Variants in ERBB4 observed in about 807,000 individuals in gnomAD.
ERBB4 encodes the protein receptor tyrosine-protein kinase erbB-4.
ERBB4 carries 42 observed loss-of-function variants against 158.0 expected under a neutral mutation model. The observed-to-expected ratio is 0.27, with a 90% CI of 0.21 to 0.34. The LOEUF is 0.34. Among genes scored for constraint, ERBB4 ranks in the 10% least tolerant of loss-of-function variants. ERBB4 has a pLI of 1.00. For synonymous variants in ERBB4, 583 were observed against 558.7 expected (o/e 1.04, Z -0.61); for missense variants, 1,333 against 1,624.1 (o/e 0.82, Z 3.08).
Position 211,630,475 on chromosome 2 carries a change from A to T in ERBB4, c.2066T>A (p.Phe689Tyr), listed in dbSNP as rs1234631208. The T allele has an allele frequency of 1.2e-6, 2 of 1,613,600 alleles. No homozygotes were observed. Among genetic ancestry groups the T allele is most frequent in the East Asian group, 2.2e-5 (1 of 44,856 alleles). ...SIKKKRALRRFLETELVEPLT... is the reference protein window; with the variant it reads ...SIKKKRALRRYLETELVEPLT... ...GAAATACCTCACCTCTGTTTCCAAG[A>T]ATCTTCTCAAGGCTCTTTTCTTTTT... is the stretch of plus-strand genomic sequence containing the variant. The change falls in exon 17 of 28, where the codon TTC becomes TAC. Residue 689 changes from phenylalanine to tyrosine, a missense_variant. Phe to Tyr is a conservative substitution (Grantham distance 22). Transcript: ENST00000342788.
At chr2:211,856,398 T>TCATTTATTTATC (rs2077862319) in intron 3 of ERBB4, among the ~76,000 whole-genome samples, 1 of 145,128 alleles carries the variant, frequency 6.9e-6, no homozygotes, top group Non-Finnish European at 1.5e-5. Flanking sequence ...ATTTATTTAT[T>TCATTTATTTATC]TATCTGAGAT....
At chr2:211,950,055 C>T (rs2080832455) in intron 2 of ERBB4, among the ~76,000 whole-genome samples, 3 of 152,148 alleles carry the variant, frequency 2.0e-5, no homozygotes, top group African/African-American at 7.2e-5. Flanking sequence ...CCACACCCTT[C>T]ACCACTGTAC....
At position 212,391,121 on chromosome 2, in the gene ERBB4, C is replaced by A. The variant is rs570711682; in HGVS notation, c.82+147328G>T. Among the ~76,000 whole-genome samples the A allele has an allele frequency of 4.0e-5, 6 of 151,808 alleles. No individual in the cohort carries two copies. The East Asian group carries it at 9.7e-4, about 24-fold the overall frequency. On this transcript the variant is annotated intron_variant, in intron 1 of 27. Coordinates refer to ENST00000342788, the MANE Select transcript of ERBB4 (RefSeq NM_005235.3). ...ATTTCCATTACTTTAACACAGACAA[C>A]TTCAAATTCATCAAGATCTTATGCC...
intron 20 of ERBB4, among the ~76,000 whole-genome samples, chr2:211,544,056 A>G (rs982612338): frequency 1.3e-5 from 2 of 151,972 alleles, no homozygotes; most frequent in Admixed American, 1.3e-4. Context: ...ATATAATGAT[A>G]ATCCATAGAT....
chr2:212,115,454 G>A (rs1002757719), intron 2 of ERBB4, among the ~76,000 whole-genome samples: 1 of 152,130 alleles, frequency 6.6e-6, no homozygotes, highest in Non-Finnish European at 1.5e-5. Flanking sequence ...ATATTCCAAT[G>A]TTTGGTTTTT....
chr2:211,882,820 G>A (rs1424730833), intron 3 of ERBB4, among the ~76,000 whole-genome samples: 1 of 152,116 alleles, frequency 6.6e-6, no homozygotes, highest in African/African-American at 2.4e-5. Context: ...AGAAGACTTG[G>A]AATCAACATC....
intron 12 of ERBB4, among the ~76,000 whole-genome samples, chr2:211,695,555 T>C (rs2072984956): frequency 1.3e-5 from 2 of 152,152 alleles, no homozygotes; most frequent in South Asian, 4.1e-4. Context: ...ATAAATATAT[T>C]TCAAGGGATT....
At chr2:211,511,602 C>A (rs1190145258) in intron 20 of ERBB4, among the ~76,000 whole-genome samples, 3 of 151,980 alleles carry the variant, frequency 2.0e-5, no homozygotes, top group African/African-American at 7.2e-5. Context: ...AAGCAGTATG[C>A]TTTTCAGATA....
intron 3 of ERBB4, among the ~76,000 whole-genome samples, chr2:211,924,348 T>G (rs2079957503): frequency 6.6e-6 from 1 of 152,176 alleles, no homozygotes. Flanking sequence ...ATTTAGATAT[T>G]AATACTACCT....
intron 3 of ERBB4, among the ~76,000 whole-genome samples, chr2:211,810,483 G>T (rs1381256406): frequency 1.3e-5 from 2 of 152,058 alleles, no homozygotes; most frequent in African/African-American, 4.8e-5. Context: ...TTTGTTTAAA[G>T]TCTGTTTTGT....
chr2:211,725,177 C>A lies in ERBB4; in HGVS notation c.640G>T (p.Ala214Ser). 1 of 1,613,652 alleles carries A rather than the reference C, an allele frequency of 6.2e-7. No individual in the cohort carries two copies. The highest frequency in any genetic ancestry group is 1.3e-5 in the African/African-American group (1 of 75,000). The change falls in exon 6 of 28, where the codon GCA becomes TCA. Residue 214 changes from alanine (A) to serine (S), a missense_variant. Physicochemically the swap from Ala to Ser is moderately conservative, Grantham distance 99. Coordinates refer to ENST00000342788, the MANE Select transcript of ERBB4 (RefSeq NM_005235.3). ...HCQTLTRTVC[A>S]EQCDGRCYGP... Reference sequence around the variant, plus strand: ...TAGCATCTGCCGTCACATTGTTCTGCACACACCGTCCTTGTCACTGCAGAA... The same window carrying A: ...TAGCATCTGCCGTCACATTGTTCTGAACACACCGTCCTTGTCACTGCAGAA...
chr2:211,844,550 T>A (rs1335938200), intron 3 of ERBB4, among the ~76,000 whole-genome samples: 1 of 152,200 alleles, frequency 6.6e-6, no homozygotes, highest in East Asian at 1.9e-4. Flanking sequence ...TCTGAAATTG[T>A]ATGTATAACT....
intron 1 of ERBB4, among the ~76,000 whole-genome samples, chr2:212,214,322 T>G (rs2083029538): frequency 1.3e-5 from 2 of 151,732 alleles, no homozygotes; most frequent in African/African-American, 4.8e-5. Context: ...AAACTGAATT[T>G]TTACTTTTAA....
At chr2:211,899,706 A>G (rs1290458415) in intron 3 of ERBB4, among the ~76,000 whole-genome samples, 1 of 152,166 alleles carries the variant, frequency 6.6e-6, no homozygotes. Flanking sequence ...GTTTGCCCAT[A>G]TAATTCCTTA....
intron 2 of ERBB4, among the ~76,000 whole-genome samples, chr2:212,014,525 T>C (rs1443783902): frequency 2.0e-5 from 3 of 152,222 alleles, no homozygotes; most frequent in African/African-American, 7.2e-5. Context: ...TTGGATACTT[T>C]ATGCTATCAT....
intron 19 of ERBB4, among the ~76,000 whole-genome samples, chr2:211,608,069 G>A (rs537304503): frequency 2.6e-5 from 4 of 151,700 alleles, no homozygotes; most frequent in East Asian, 1.9e-4. Context: ...GGATTTGTGT[G>A]TGTATGTGTG....
intron 5 of ERBB4, among the ~76,000 whole-genome samples, chr2:211,734,909 C>CAAAAAAAAAA (rs570006497): frequency 2.6e-4 from 18 of 69,276 alleles, no homozygotes; most frequent in Admixed American, 3.6e-4. Context: ...GAGACTCTGT[C>CAAAAAAAAAA]AAAAAAAAAA....
At chr2:211,902,342 A>C (rs935901106) in intron 3 of ERBB4, among the ~76,000 whole-genome samples, 1 of 152,092 alleles carries the variant, frequency 6.6e-6, no homozygotes, top group Non-Finnish European at 1.5e-5. Context: ...CAGAAATAAA[A>C]CAACAAGCAA....
chr2:212,141,344 T>C (rs2125605817), intron 1 of ERBB4, among the ~76,000 whole-genome samples: 1 of 152,104 alleles, frequency 6.6e-6, no homozygotes, highest in South Asian at 2.1e-4. Flanking sequence ...TGAAGAAACT[T>C]GGCTCCCTGG....
Sources: gnomAD v4.1 joint callset for allele counts (sites outside exome capture counted in the v4.1 genomes callset) on GRCh38, gnomAD v4.1.1 for gene constraint, MANE v1.5 for transcripts, NCBI Gene and HGNC (gene_info 2026-07-23, HGNC 2026-07-21) for gene names.